CMTM4: variants seen among roughly 807,000 people sequenced by gnomAD.
CMTM4 encodes the protein CKLF-like MARVEL transmembrane domain-containing protein 4.
Under a neutral mutation model 19.0 loss-of-function variants are expected in CMTM4, and 8 were observed. That is an observed-to-expected ratio of 0.42 (90% CI 0.25 to 0.76). The LOEUF is 0.76. Among genes scored for constraint, CMTM4 ranks in the 30% least tolerant of loss-of-function variants. The probability of loss-of-function intolerance (pLI) is 0.27; values close to 1 mark genes in which losing one functional copy is unlikely to be tolerated. For missense variants in CMTM4, 228 were observed against 290.2 expected (o/e 0.79, Z 1.56); for synonymous variants, 106 against 121.1 (o/e 0.88, Z 0.82).
rs1002995483 is a variant in CMTM4 at position 66,619,776 on chromosome 16, T to G, written c.*2282A>C. 9.1e-6 allele frequency: 9 copies of G among 985,184 alleles called. No homozygotes were observed. Among genetic ancestry groups the G allele is most frequent in the Admixed American group, 6.2e-5 (1 of 16,252 alleles). The allele number at this position is 985,184 out of a possible 1,614,324, so 61.0% of individuals were successfully genotyped here. On this transcript the variant is annotated 3_prime_UTR_variant, in exon 4 of 4. Coordinates refer to ENST00000394106, the MANE Select transcript of CMTM4 (RefSeq NM_181521.3). Reference sequence around the variant, plus strand: ...AGTTAATTAAATACAAGGAGAACATTTACAAAACCACCGAGGAGCCTCACG... The same window carrying G: ...AGTTAATTAAATACAAGGAGAACATGTACAAAACCACCGAGGAGCCTCACG...
At chr16:66,651,703 C>T (rs1191405332) in intron 1 of CMTM4, among the ~76,000 whole-genome samples, 2 of 152,208 alleles carry the variant, frequency 1.3e-5, no homozygotes, top group Non-Finnish European at 2.9e-5. Context: ...GAGACTCTGA[C>T]AAAGCCCACA....
intron 1 of CMTM4, among the ~76,000 whole-genome samples, chr16:66,677,988 G>A (rs146666805): frequency 4.5e-4 from 68 of 152,204 alleles, no homozygotes; most frequent in African/African-American, 1.3e-3. Flanking sequence ...ATGAGCCACC[G>A]TGCCCGGCCT....
At chr16:66,659,989 A>G (rs2016472126) in intron 1 of CMTM4, among the ~76,000 whole-genome samples, 1 of 152,240 alleles carries the variant, frequency 6.6e-6, no homozygotes, top group South Asian at 2.1e-4. Context: ...CAACCCAATT[A>G]AAAAGTGGGT....
chr16:66,680,603 T>C (rs1480166853), intron 1 of CMTM4, among the ~76,000 whole-genome samples: 1 of 150,586 alleles, frequency 6.6e-6, no homozygotes, highest in East Asian at 1.9e-4. Flanking sequence ...TGAAACCCCG[T>C]CTCTACTAAA....
At chr16:66,611,210 T>C (rs1028397191), downstream of CMTM4, 2 of 198,490 alleles carry the variant, frequency 1.0e-5, no homozygotes. Context: ...CTCAACACTT[T>C]GGGAGGCCGA....
Position 66,614,803 on chromosome 16 carries a change from G to A in CMTM4, c.*7255C>T, listed in dbSNP as rs1346612906. ...TCCTTCATGACAATTTAATACAATAGTTATTAACGATTAGTGTTGAGAAAA... is the reference window on the plus strand; with the variant it reads ...TCCTTCATGACAATTTAATACAATAATTATTAACGATTAGTGTTGAGAAAA... On this transcript the variant is annotated 3_prime_UTR_variant, in exon 4 of 4. Transcript: ENST00000394106. This position sits in a 1 kb window ranked among gnomAD's most constrained non-coding sequence, Gnocchi z 4.9. 1 of 152,226 alleles carries A rather than the reference G, an allele frequency of 6.6e-6. No individual in the cohort carries two copies. Among genetic ancestry groups the A allele is most frequent in the African/African-American group, 2.4e-5 (1 of 41,456 alleles). The allele number at this position is 152,226 out of a possible 1,614,324, so 9.4% of individuals were successfully genotyped here. A position where few individuals can be genotyped will look rare whatever the true frequency, so the allele number is the denominator to read the frequency against.
the CMTM4 span, chr16:66,608,589 T>A: frequency 1.1e-6 from 1 of 912,330 alleles, no homozygotes; most frequent in Non-Finnish European, 1.6e-6. This position sits in a 1 kb window ranked among gnomAD's most constrained non-coding sequence, Gnocchi z 5.1. Context: ...TGGTTAGAAC[T>A]GGATGGAGAG....
the CMTM4 span, among the ~76,000 whole-genome samples, chr16:66,601,297 G>A: frequency 6.6e-6 from 1 of 152,130 alleles, no homozygotes; most frequent in Admixed American, 6.5e-5. Flanking sequence ...TCAACAAGGA[G>A]GTTTACTGAG....
chr16:66,652,206 A>G (rs1162505886), intron 1 of CMTM4, among the ~76,000 whole-genome samples: 1 of 152,158 alleles, frequency 6.6e-6, no homozygotes. Flanking sequence ...GCTTCCAAGG[A>G]CTCAGGATGG....
At chr16:66,607,125 G>A in the CMTM4 span, among the ~76,000 whole-genome samples, 1 of 152,242 alleles carries the variant, frequency 6.6e-6, no homozygotes, top group South Asian at 2.1e-4. Context: ...GTGGATGTGA[G>A]GGTCAGAGGA....
the CMTM4 span, among the ~76,000 whole-genome samples, chr16:66,600,134 G>GGTT: frequency 7.7e-6 from 1 of 129,802 alleles, no homozygotes; most frequent in African/African-American, 3.2e-5. Flanking sequence ...GTGTGTGTGT[G>GGTT]TGTTTTTTTT....
rs571122617 is a variant in CMTM4 at position 66,622,979 on chromosome 16, T to G, written c.462+425A>C. The stretch of plus-strand genomic sequence containing the variant: ...TACATTATCTGGTCCCCACCTGCCG[T>G]GGCATTTCCACCTTGAAATGTCATG... On this transcript the variant is annotated intron_variant, in intron 3 of 3. Coordinates refer to ENST00000394106, the MANE Select transcript of CMTM4 (RefSeq NM_181521.3). The surrounding 1 kb of genome is among the most constrained non-coding windows in gnomAD (Gnocchi z 4.0). Among the ~76,000 whole-genome samples, 1 of 152,330 alleles carries G rather than the reference T, an allele frequency of 6.6e-6. No individual in the cohort carries two copies. The highest frequency in any genetic ancestry group is 2.4e-5 in the African/African-American group (1 of 41,584).
At chr16:66,664,637 C>T (rs1380666970) in intron 1 of CMTM4, among the ~76,000 whole-genome samples, 1 of 150,346 alleles carries the variant, frequency 6.7e-6, no homozygotes, top group Non-Finnish European at 1.5e-5. Context: ...TAATGTAATT[C>T]GTAGACCAAA....
chr16:66,661,857 C>T (rs975194520), intron 1 of CMTM4, among the ~76,000 whole-genome samples: 12 of 152,020 alleles, frequency 7.9e-5, no homozygotes, highest in African/African-American at 1.5e-4. Context: ...TGCGTGAACT[C>T]GGGAGGCAGA....
chr16:66,678,070 C>T (rs2016839740), intron 1 of CMTM4, among the ~76,000 whole-genome samples: 1 of 152,102 alleles, frequency 6.6e-6, no homozygotes, highest in Admixed American at 6.6e-5. Flanking sequence ...CCCAGCTACT[C>T]AGCAAACTGA....
chr16:66,639,218 C>A (rs1284822274), intron 1 of CMTM4, among the ~76,000 whole-genome samples: 1 of 152,154 alleles, frequency 6.6e-6, no homozygotes, highest in Non-Finnish European at 1.5e-5. Context: ...CCTAAACTTT[C>A]CCCTTTTTTT....
rs1246373533 is a variant in CMTM4 at position 66,615,086 on chromosome 16, C to T, written c.*6972G>A. On this transcript the variant is annotated 3_prime_UTR_variant, in exon 4 of 4. Coordinates refer to ENST00000394106, the MANE Select transcript of CMTM4 (RefSeq NM_181521.3). This position sits in a 1 kb window ranked among gnomAD's most constrained non-coding sequence, Gnocchi z 4.9. Reference sequence around the variant, plus strand: ...TCCACGTCAGCTGAAAAACCAAACACATAAACCTAAGTTTGCCCAACGGGC... The same window carrying T: ...TCCACGTCAGCTGAAAAACCAAACATATAAACCTAAGTTTGCCCAACGGGC... The T allele has an allele frequency of 6.6e-6, 1 of 152,272 alleles. No individual in the cohort carries two copies. The highest frequency in any genetic ancestry group is 1.5e-5 in the Non-Finnish European group (1 of 68,056). 9.4% of individuals were successfully genotyped at this position (152,272 alleles called of 1,614,324 possible).
chr16:66,642,566 A>C (rs933829689), intron 1 of CMTM4, among the ~76,000 whole-genome samples: 2 of 152,110 alleles, frequency 1.3e-5, no homozygotes, highest in African/African-American at 4.8e-5. Context: ...AATACAAAAA[A>C]TTAGCTGGGT....
intron 1 of CMTM4, among the ~76,000 whole-genome samples, chr16:66,665,647 G>A (rs375776543): frequency 3.3e-5 from 5 of 152,228 alleles, no homozygotes; most frequent in African/African-American, 7.2e-5. Flanking sequence ...GGGAGGCTGA[G>A]ACAGGAGAAT....
Sources: gnomAD v4.1 joint callset for allele counts (sites outside exome capture counted in the v4.1 genomes callset) on GRCh38, gnomAD v4.1.1 for gene constraint, Gnocchi (gnomAD v3.1) non-coding constraint, MANE v1.5 for transcripts, NCBI Gene and HGNC (gene_info 2026-07-23, HGNC 2026-07-21) for gene names.